The following COG5 variants were observed in gnomAD, a reference collection of about 807,000 sequenced individuals.
COG5 encodes the protein conserved oligomeric Golgi complex subunit 5.
Under a neutral mutation model 110.4 loss-of-function variants are expected in COG5, and 86 were observed. That is an observed-to-expected ratio of 0.78 (90% CI 0.65 to 0.93). The LOEUF is 0.93. Among genes scored for constraint, COG5 ranks in the 40% least tolerant of loss-of-function variants. COG5 has a pLI of 0.00. For missense variants in COG5, 1,077 were observed against 987.0 expected, an observed-to-expected ratio of 1.09 and a Z score of -1.22; for synonymous variants, 360 against 334.6, an observed-to-expected ratio of 1.08 and a Z score of -0.83.
chr7:107,475,259 TA>T (rs1411331363), intron 6 of COG5: 3 of 1,602,584 alleles, frequency 1.9e-6, no homozygotes, highest in Non-Finnish European at 2.6e-6. Flanking sequence ...AATAATGCTG[TA>T]ATACACAACT....
At chr7:107,307,806 G>T (rs1026359373) in intron 11 of COG5, among the ~76,000 whole-genome samples, 1 of 140,186 alleles carries the variant, frequency 7.1e-6, no homozygotes, top group African/African-American at 2.5e-5. Context: ...TACATATTGG[G>T]TACACCCACT....
chr7:107,363,904 G>A (rs929449865), intron 8 of COG5, among the ~76,000 whole-genome samples: 24 of 150,692 alleles, frequency 1.6e-4, no homozygotes, highest in African/African-American at 4.9e-4. Context: ...ACAATGAGCC[G>A]AGATCGTACC....
chr7:107,237,669 A>C (rs932041222), intron 17 of COG5, among the ~76,000 whole-genome samples: 2 of 152,228 alleles, frequency 1.3e-5, no homozygotes, highest in Non-Finnish European at 2.9e-5. Context: ...AGATAGAAGA[A>C]GTAGGCCTAT....
At chr7:107,538,242 C>T (rs1159234622) in intron 5 of COG5, among the ~76,000 whole-genome samples, 2 of 152,184 alleles carry the variant, frequency 1.3e-5, no homozygotes, top group Non-Finnish European at 2.9e-5. Context: ...TAGGGCAGGG[C>T]GGCCAGCTTT....
intron 6 of COG5, among the ~76,000 whole-genome samples, chr7:107,523,113 T>C (rs1800453803): frequency 1.3e-5 from 2 of 152,204 alleles, no homozygotes; most frequent in Admixed American, 6.5e-5. Flanking sequence ...ACATACATCT[T>C]AATAAACAAT....
At chr7:107,287,455 C>T (rs935606350) in intron 12 of COG5, among the ~76,000 whole-genome samples, 1 of 152,090 alleles carries the variant, frequency 6.6e-6, no homozygotes, top group African/African-American at 2.4e-5. Context: ...GACTCCATGT[C>T]GAATCTGACA....
intron 6 of COG5, among the ~76,000 whole-genome samples, chr7:107,519,522 C>T (rs181976089): frequency 2.6e-5 from 4 of 151,614 alleles, no homozygotes; most frequent in African/African-American, 4.8e-5. Flanking sequence ...AAAACCTCTA[C>T]GCAAATGAAC....
chr7:107,235,925 G>T (rs1384646939), intron 18 of COG5, among the ~76,000 whole-genome samples: 1 of 152,164 alleles, frequency 6.6e-6, no homozygotes, highest in Non-Finnish European at 1.5e-5. Context: ...AGCCTGAAAT[G>T]ATTTCAAGGC....
chr7:107,413,611 G>C (rs1356343463), intron 6 of COG5, among the ~76,000 whole-genome samples: 1 of 151,200 alleles, frequency 6.6e-6, no homozygotes, highest in Non-Finnish European at 1.5e-5. Flanking sequence ...GAAGAATAGA[G>C]GGATTATGAT....
chr7:107,227,788 A>C (rs1800463844), intron 19 of COG5, among the ~76,000 whole-genome samples: 1 of 152,068 alleles, frequency 6.6e-6, no homozygotes, highest in Non-Finnish European at 1.5e-5. Flanking sequence ...GACTCACTGT[A>C]ACCTCCAGCT....
intron 19 of COG5, among the ~76,000 whole-genome samples, chr7:107,229,070 A>AT (rs1172650562): frequency 6.6e-6 from 1 of 152,148 alleles, no homozygotes; most frequent in African/African-American, 2.4e-5. Flanking sequence ...GACAGTTTAT[A>AT]TAAAGGCCTC....
intron 6 of COG5, among the ~76,000 whole-genome samples, chr7:107,520,587 G>A (rs1800254897): frequency 1.3e-5 from 2 of 152,112 alleles, no homozygotes; most frequent in African/African-American, 2.4e-5. Flanking sequence ...CAGCTACTAA[G>A]GGAAGTGAAG....
chr7:107,482,719 C>G (rs992796013), intron 6 of COG5, among the ~76,000 whole-genome samples: 1 of 152,072 alleles, frequency 6.6e-6, no homozygotes, highest in Non-Finnish European at 1.5e-5. Context: ...TTTCTTTAAA[C>G]AAGGTTATCT....
At chr7:107,397,606 T>A (rs997571419) in intron 7 of COG5, among the ~76,000 whole-genome samples, 1 of 152,224 alleles carries the variant, frequency 6.6e-6, no homozygotes, top group African/African-American at 2.4e-5. Flanking sequence ...GACTACTGTA[T>A]CAACTCATTA....
intron 7 of COG5, among the ~76,000 whole-genome samples, chr7:107,407,548 A>C (rs910334487): frequency 5.3e-5 from 8 of 151,988 alleles, no homozygotes; most frequent in African/African-American, 1.9e-4. Context: ...ACATCAAAAC[A>C]TATATATATT....
intron 10 of COG5, among the ~76,000 whole-genome samples, chr7:107,353,234 G>C (rs1315638340): frequency 1.3e-5 from 2 of 151,924 alleles, no homozygotes; most frequent in African/African-American, 4.8e-5. Flanking sequence ...GACCATCCTG[G>C]CTAACACGGT....
intron 21 of COG5, chr7:107,208,195 A>G: frequency 1.0e-6 from 1 of 985,378 alleles, no homozygotes; most frequent in Non-Finnish European, 1.2e-6. Context: ...GGACAGCTCA[A>G]TTTTTTGCTA....
intron 6 of COG5, chr7:107,475,576 T>C (rs987152132): frequency 4.9e-6 from 2 of 408,692 alleles, no homozygotes; most frequent in Non-Finnish European, 9.0e-6. Flanking sequence ...TACTATCATG[T>C]GTATATTTTG....
chr7:107,220,726 CG>C (rs2116302280), intron 19 of COG5, among the ~76,000 whole-genome samples: 1 of 151,900 alleles, frequency 6.6e-6, no homozygotes, highest in East Asian at 1.9e-4. Flanking sequence ...GTCCCTCCAC[CG>C]GGTCACAAGT....
Sources: gnomAD v4.1 joint callset for allele counts (sites outside exome capture counted in the v4.1 genomes callset) on GRCh38, gnomAD v4.1.1 for gene constraint, MANE v1.5 for transcripts, NCBI Gene and HGNC (gene_info 2026-07-23, HGNC 2026-07-21) for gene names.